The following RIPOR3 variants were observed in gnomAD, a reference collection of about 807,000 sequenced individuals.
The protein encoded by RIPOR3 is family with sequence similarity 65 member C.
RIPOR3 carries 95 observed loss-of-function variants against 114.3 expected under a neutral mutation model. The ratio of observed to expected loss-of-function variants is 0.83; its 90% CI spans 0.70 to 0.99. The LOEUF (loss-of-function observed/expected upper bound fraction) is 0.99. RIPOR3 is among the 50% of genes least tolerant of loss of function. The probability of loss-of-function intolerance (pLI) is 0.00; values close to 1 mark genes in which losing one functional copy is unlikely to be tolerated. For synonymous variants in RIPOR3, 575 were observed against 543.8 expected (o/e 1.06, Z -0.80); for missense variants, 1,252 against 1,266.9 (o/e 0.99, Z 0.18).
At chr20:50,674,804 C>T (rs1324590620) in intron 1 of RIPOR3, among the ~76,000 whole-genome samples, 2 of 151,336 alleles carry the variant, frequency 1.3e-5, no homozygotes, top group East Asian at 1.9e-4. Flanking sequence ...AACTAAAAGC[C>T]AGGTGCAGTG....
At chr20:50,595,643 CT>C in intron 15 of RIPOR3, 139 bp from the exon 16 acceptor site, 1 of 1,267,876 alleles carries the variant, frequency 7.9e-7, no homozygotes, top group Non-Finnish European at 1.1e-6. Flanking sequence ...GGGGATTCCC[CT>C]TTCACCAAGG....
At chr20:50,593,005 TG>T in intron 18 of RIPOR3, 29 bp downstream of exon 18, 1 of 1,611,714 alleles carries the variant, frequency 6.2e-7, no homozygotes, top group East Asian at 2.2e-5. Context: ...GATATTCCTC[TG>T]CTATGACAGC....
intron 1 of RIPOR3, among the ~76,000 whole-genome samples, chr20:50,648,565 C>T (rs2085497397): frequency 1.3e-5 from 2 of 151,994 alleles, no homozygotes; most frequent in South Asian, 4.1e-4. Flanking sequence ...GCATTACATT[C>T]ATTGTGCACT....
In RIPOR3 at chr20:50,595,378, T is replaced by G; in HGVS notation, c.2041A>C (p.Ile681Leu). Residue 681 changes from isoleucine to leucine, a missense_variant, in exon 16 of 22, where the codon ATT becomes CTT. Ile to Leu is a conservative substitution (Grantham distance 5). Coordinates refer to ENST00000327979, the MANE Select transcript of RIPOR3 (RefSeq NM_001290268.2). ...DFEKVGKATSIEEIIPQASRT... is the reference protein window; with the variant it reads ...DFEKVGKATSLEEIIPQASRT... ...GCAGGCAGCTACTTACTCTCTTCAA[T>G]GGATGTTGCCTTGCCGACCTTCTCA... is the stretch of plus-strand genomic sequence containing the variant. 4 of 1,613,934 alleles carry G rather than the reference T, an allele frequency of 2.5e-6. No individual in the cohort carries two copies. Among genetic ancestry groups the G allele is most frequent in the Non-Finnish European group, 3.4e-6 (4 of 1,179,888 alleles).
chr20:50,611,149 C>T, intron 5 of RIPOR3, 32 bp downstream of exon 5: 2 of 1,614,188 alleles, frequency 1.2e-6, no homozygotes, highest in African/African-American at 1.3e-5. Flanking sequence ...CAGCCAGGCC[C>T]AGCCCACCTC....
At chr20:50,599,456 G>A (rs753002956) in intron 13 of RIPOR3, among the ~76,000 whole-genome samples, 20 of 152,032 alleles carry the variant, frequency 1.3e-4, no homozygotes, top group Middle Eastern at 3.2e-3. Flanking sequence ...AGCCAGCATC[G>A]CTACAACTCA....
At chr20:50,664,763 A>G (rs1397548462) in intron 1 of RIPOR3, among the ~76,000 whole-genome samples, 2 of 152,082 alleles carry the variant, frequency 1.3e-5, no homozygotes, top group Non-Finnish European at 2.9e-5. Context: ...CTCACTAGGA[A>G]AGGGTGCTGT....
At chr20:50,649,222 A>G (rs540686871) in intron 1 of RIPOR3, among the ~76,000 whole-genome samples, 1 of 152,322 alleles carries the variant, frequency 6.6e-6, no homozygotes, top group East Asian at 1.9e-4. Flanking sequence ...AGATGGACAG[A>G]TCACCTGAGG....
intron 13 of RIPOR3, among the ~76,000 whole-genome samples, chr20:50,600,984 T>C (rs1042799466): frequency 3.9e-5 from 6 of 152,200 alleles, no homozygotes; most frequent in Non-Finnish European, 5.9e-5. Flanking sequence ...AGCTGTTAAC[T>C]ATTTCAGTGC....
intron 6 of RIPOR3, among the ~76,000 whole-genome samples, chr20:50,610,174 ACCTGCCTCTCCTGCCTCT>A (rs538545303): frequency 1.7e-4 from 20 of 116,288 alleles, no homozygotes; most frequent in African/African-American, 6.1e-4. Context: ...ACCCTGTCTC[ACCTGCCTCTCCTGCCTCT>A]CCTGCCACCC....
chr20:50,612,355 G>C (rs959633242), intron 4 of RIPOR3, among the ~76,000 whole-genome samples: 1 of 151,720 alleles, frequency 6.6e-6, no homozygotes, highest in Admixed American at 6.6e-5. Context: ...GAACAAGTGT[G>C]GTCAAGAAAC....
chr20:50,660,199 C>G (rs1443040276), intron 1 of RIPOR3: 1 of 152,188 alleles, frequency 6.6e-6, no homozygotes, highest in Non-Finnish European at 1.5e-5. Context: ...CAAGCTTCAC[C>G]TGAAACCCAC....
At chr20:50,613,356 G>A (rs1206211173) in intron 4 of RIPOR3, among the ~76,000 whole-genome samples, 2 of 152,068 alleles carry the variant, frequency 1.3e-5, no homozygotes, top group Non-Finnish European at 1.5e-5. Flanking sequence ...AGGAGGCTGA[G>A]GCAGGAGAAT....
At position 50,616,172 on chromosome 20, in the gene RIPOR3, C is replaced by T. The variant is rs977809643; in HGVS notation, c.270-92G>A. On this transcript the variant is annotated intron_variant, in intron 3 of 21. Coordinates refer to ENST00000327979, the MANE Select transcript of RIPOR3 (RefSeq NM_001290268.2). ...ATGGACAATGTCCCCACGTGGAGAG[C>T]AGACACGGGGCTCAGCGGGGCTCAG... 6.3e-5 allele frequency: 83 copies of T among 1,321,074 alleles called. No homozygotes were observed. In the Admixed American group the frequency reaches 9.2e-4, roughly 15 times the overall value. 81.8% of individuals were successfully genotyped at this position (1,321,074 alleles called of 1,614,324 possible).
At chr20:50,634,814 C>G (rs2084928410) in intron 1 of RIPOR3, among the ~76,000 whole-genome samples, 1 of 152,204 alleles carries the variant, frequency 6.6e-6, no homozygotes, top group Non-Finnish European at 1.5e-5. Flanking sequence ...GGGTGGATCA[C>G]CTGAGGTCAA....
chr20:50,638,511 G>A (rs180926062), intron 1 of RIPOR3, among the ~76,000 whole-genome samples: 56 of 152,234 alleles, frequency 3.7e-4, no homozygotes, highest in Middle Eastern at 3.4e-3. Context: ...TCACTGCCTC[G>A]TCACCACTCC....
At chr20:50,674,017 C>G (rs187629326) in intron 1 of RIPOR3, among the ~76,000 whole-genome samples, 1 of 152,162 alleles carries the variant, frequency 6.6e-6, no homozygotes, top group Admixed American at 6.5e-5. Context: ...TTTCAATCCA[C>G]GGGAGAGCCG....
At chr20:50,647,989 G>GT (rs1418547520) in intron 1 of RIPOR3, among the ~76,000 whole-genome samples, 2 of 151,872 alleles carry the variant, frequency 1.3e-5, no homozygotes, top group African/African-American at 4.8e-5. Flanking sequence ...AAAATCCAGG[G>GT]TAGTGGCCAG....
At chr20:50,671,127 TA>T (rs2086464663) in intron 1 of RIPOR3, among the ~76,000 whole-genome samples, 1 of 152,084 alleles carries the variant, frequency 6.6e-6, no homozygotes, top group African/African-American at 2.4e-5. Flanking sequence ...GGATTTGTTT[TA>T]GTTGTATTTT....
Sources: allele counts gnomAD v4.1 joint callset (sites outside exome capture counted in the v4.1 genomes callset), GRCh38; gene constraint gnomAD v4.1.1; transcripts MANE v1.5; gene names NCBI Gene and HGNC (gene_info 2026-07-23, HGNC 2026-07-21).